Variants in NXPE2 observed in about 807,000 individuals in gnomAD.
The protein encoded by NXPE2 is neurexophilin and PC-esterase domain family member 2.
Under a neutral mutation model 34.4 loss-of-function variants are expected in NXPE2, and 34 were observed. The ratio of observed to expected loss-of-function variants is 0.99; its 90% CI spans 0.75 to 1.31. The LOEUF is 1.31. Ranked by LOEUF, NXPE2 falls within the 40% of genes most tolerant of loss-of-function variation. The pLI is 0.00. For synonymous variants in NXPE2, 235 were observed against 231.3 expected (o/e 1.02, Z -0.15); for missense variants, 649 against 672.5 (o/e 0.97, Z 0.39).
At chr11:114,557,317 C>T in the NXPE2 span, among the ~76,000 whole-genome samples, 1 of 152,050 alleles carries the variant, frequency 6.6e-6, no homozygotes, top group Non-Finnish European at 1.5e-5. Flanking sequence ...CAATATGCAT[C>T]TTTGACTTAA....
chr11:114,650,753 T>C, the NXPE2 span, among the ~76,000 whole-genome samples: 2 of 151,976 alleles, frequency 1.3e-5, no homozygotes, highest in Non-Finnish European at 2.9e-5. Flanking sequence ...CAGAGTGCGG[T>C]TGCCACAAGA....
the NXPE2 span, among the ~76,000 whole-genome samples, chr11:114,738,234 A>G: frequency 8.5e-5 from 13 of 152,316 alleles, no homozygotes; most frequent in Non-Finnish European, 2.9e-5. Context: ...GGAAATAGAG[A>G]GTAAATCTTT....
the NXPE2 span, chr11:114,530,421 C>G: frequency 6.2e-7 from 1 of 1,614,236 alleles, no homozygotes; most frequent in Non-Finnish European, 8.5e-7. Flanking sequence ...GCCTTGGTTC[C>G]TTGCCCTCCA....
chr11:114,513,129 A>T, the NXPE2 span: 23 of 551,024 alleles, frequency 4.2e-5, no homozygotes, highest in Admixed American at 4.5e-4. Flanking sequence ...GCTGGAGAGG[A>T]CATCCTGGCC....
At chr11:114,534,562 A>G in the NXPE2 span, among the ~76,000 whole-genome samples, 1 of 152,236 alleles carries the variant, frequency 6.6e-6, no homozygotes, top group Non-Finnish European at 1.5e-5. Flanking sequence ...ATGGATAACT[A>G]GAATAATCAA....
the NXPE2 span, among the ~76,000 whole-genome samples, chr11:114,631,196 T>C: frequency 6.6e-6 from 1 of 152,030 alleles, no homozygotes; most frequent in Admixed American, 6.6e-5. Flanking sequence ...GGGCTATAAA[T>C]CATGCTGCTA....
chr11:114,750,142 C>T, the NXPE2 span, among the ~76,000 whole-genome samples: 7 of 152,310 alleles, frequency 4.6e-5, no homozygotes, highest in African/African-American at 1.4e-4. Flanking sequence ...GCATCAGGTA[C>T]AGAGGTCCGT....
At chr11:114,593,057 C>T in the NXPE2 span, among the ~76,000 whole-genome samples, 1 of 151,848 alleles carries the variant, frequency 6.6e-6, no homozygotes, top group African/African-American at 2.4e-5. Context: ...TATGCATGAC[C>T]CAAAGTATGA....
chr11:114,770,274 G>A, the NXPE2 span, among the ~76,000 whole-genome samples: 1 of 152,338 alleles, frequency 6.6e-6, no homozygotes, highest in Non-Finnish European at 1.5e-5. Flanking sequence ...GGAACAAGGG[G>A]TTAGTTGCCA....
chr11:114,677,276 C>A (rs1950869321), upstream of NXPE2, among the ~76,000 whole-genome samples: 1 of 151,980 alleles, frequency 6.6e-6, no homozygotes, highest in Non-Finnish European at 1.5e-5. Context: ...CTTAAGCGTT[C>A]TCACCACACA....
At chr11:114,648,411 C>G in the NXPE2 span, among the ~76,000 whole-genome samples, 1 of 152,168 alleles carries the variant, frequency 6.6e-6, no homozygotes, top group South Asian at 2.1e-4. Flanking sequence ...TTCTCTCTTA[C>G]TCAGCGGAGG....
the NXPE2 span, among the ~76,000 whole-genome samples, chr11:114,669,154 T>TC: frequency 6.6e-6 from 1 of 152,050 alleles, no homozygotes; most frequent in African/African-American, 2.4e-5. Context: ...GTGGACCCTC[T>TC]CCCCAGTGGA....
the NXPE2 span, among the ~76,000 whole-genome samples, chr11:114,566,824 T>G: frequency 6.6e-6 from 1 of 152,306 alleles, no homozygotes; most frequent in South Asian, 2.1e-4. Context: ...TGCAAACTAT[T>G]AGAGAGTAGT....
At chr11:114,488,269 GT>G in the NXPE2 span, among the ~76,000 whole-genome samples, 4 of 152,048 alleles carry the variant, frequency 2.6e-5, no homozygotes, top group African/African-American at 9.7e-5. Context: ...TTACTTCTAG[GT>G]TTTCCAATTT....
the NXPE2 span, among the ~76,000 whole-genome samples, chr11:114,588,375 T>G: frequency 6.6e-6 from 1 of 152,156 alleles, no homozygotes; most frequent in Non-Finnish European, 1.5e-5. Flanking sequence ...ATGACCCTGA[T>G]AAGTATATAA....
chr11:114,606,851 A>T, the NXPE2 span, among the ~76,000 whole-genome samples: 3 of 151,978 alleles, frequency 2.0e-5, no homozygotes, highest in African/African-American at 7.3e-5. Flanking sequence ...CCTCGTGGGT[A>T]ATCACTGTTA....
the NXPE2 span, among the ~76,000 whole-genome samples, chr11:114,631,014 T>G: frequency 6.6e-6 from 1 of 151,094 alleles, no homozygotes; most frequent in Non-Finnish European, 1.5e-5. Context: ...CATTAAAAAG[T>G]CAGGAAACAA....
the NXPE2 span, among the ~76,000 whole-genome samples, chr11:114,521,216 C>A: frequency 2.2e-3 from 336 of 152,280 alleles, no homozygotes; most frequent in African/African-American, 7.9e-3. Flanking sequence ...TGCCAATTTT[C>A]AAAATAAGGG....
the NXPE2 span, among the ~76,000 whole-genome samples, chr11:114,713,500 C>A: frequency 1.3e-5 from 2 of 152,010 alleles, no homozygotes; most frequent in Non-Finnish European, 2.9e-5. Flanking sequence ...ATGCTCAAGC[C>A]CCGAACCTGA....
Sources: gnomAD v4.1 joint callset for allele counts (sites outside exome capture counted in the v4.1 genomes callset) on GRCh38, gnomAD v4.1.1 for gene constraint, MANE v1.5 for transcripts, NCBI Gene and HGNC (gene_info 2026-07-23, HGNC 2026-07-21) for gene names.